Variants in SLC24A4 observed in about 807,000 individuals in gnomAD.
The protein encoded by SLC24A4 is solute carrier family 24 member 4, also known as sodium/potassium/calcium exchanger 4.
Under a neutral mutation model 79.0 loss-of-function variants are expected in SLC24A4, and 53 were observed. That is an observed-to-expected ratio of 0.67 (90% CI 0.54 to 0.84). The LOEUF is 0.84. Ranked by LOEUF, SLC24A4 falls within the 40% of genes least tolerant of loss-of-function variation. The probability of loss-of-function intolerance (pLI) is 0.00; values close to 1 mark genes in which losing one functional copy is unlikely to be tolerated. For synonymous variants in SLC24A4, 323 were observed against 323.8 expected, an observed-to-expected ratio of 1.00 and a Z score of 0.03; for missense variants, 731 against 822.0, an observed-to-expected ratio of 0.89 and a Z score of 1.35.
chr14:92,492,982 A>G (rs1373367828), intron 16 of SLC24A4: 5 of 357,778 alleles, frequency 1.4e-5, no homozygotes, highest in Admixed American at 6.7e-5. Context: ...ACACACACAC[A>G]CACACACACA....
rs929114531 is a variant in SLC24A4 at position 92,398,035 on chromosome 14, A to G, written c.242-35877A>G. On this transcript the variant is annotated intron_variant, in intron 2 of 16. Coordinates refer to ENST00000532405, the MANE Select transcript of SLC24A4 (RefSeq NM_153646.4). The surrounding 1 kb of genome is among the most constrained non-coding windows in gnomAD (Gnocchi z 4.1). Reference sequence around the variant, plus strand: ...CTCCCCTATGCCAGGCCCTGCGCACATGTGACCTTCTCTGTCATAGCCCTT... The same window carrying G: ...CTCCCCTATGCCAGGCCCTGCGCACGTGTGACCTTCTCTGTCATAGCCCTT... Among the ~76,000 whole-genome samples, 15 of 152,156 alleles carry G rather than the reference A, an allele frequency of 9.9e-5. No homozygotes were observed. Among genetic ancestry groups the G allele is most frequent in the Admixed American group, 6.5e-5 (1 of 15,274 alleles).
chr14:92,405,332 A>G (rs1404857293), intron 2 of SLC24A4, among the ~76,000 whole-genome samples: 2 of 152,146 alleles, frequency 1.3e-5, no homozygotes, highest in Non-Finnish European at 2.9e-5. Context: ...AAGAGGTAAA[A>G]CTGAACAATC....
chr14:92,488,133 G>A (rs11626588), intron 14 of SLC24A4, among the ~76,000 whole-genome samples: 27,424 of 147,866 alleles, frequency 0.19, 2,748 homozygotes, highest in East Asian at 0.31. Flanking sequence ...GTACAATGGC[G>A]TGATCTCGGC....
At chr14:92,380,649 G>A (rs575479032) in intron 2 of SLC24A4, among the ~76,000 whole-genome samples, 10 of 152,322 alleles carry the variant, frequency 6.6e-5, no homozygotes, top group African/African-American at 2.4e-4. Context: ...GTAATTTATC[G>A]ACTCCAGGAA....
At chr14:92,394,405 G>A (rs1889656157) in intron 2 of SLC24A4, among the ~76,000 whole-genome samples, 1 of 151,926 alleles carries the variant, frequency 6.6e-6, no homozygotes, top group African/African-American at 2.4e-5. Flanking sequence ...AGACCAGCCT[G>A]GGCAACATAG....
intron 2 of SLC24A4, among the ~76,000 whole-genome samples, chr14:92,381,572 A>T (rs941780242): frequency 9.9e-5 from 15 of 152,208 alleles, no homozygotes; most frequent in Admixed American, 9.8e-4. Flanking sequence ...TATTCAGCAC[A>T]TTCAGTTCTA....
intron 2 of SLC24A4, among the ~76,000 whole-genome samples, chr14:92,400,264 C>T (rs867440244): frequency 7.2e-5 from 11 of 151,998 alleles, no homozygotes; most frequent in African/African-American, 1.4e-4. Context: ...CATGGTGAAA[C>T]CCCGTCTCTA....
chr14:92,439,142 C>A (rs146736778), intron 3 of SLC24A4, among the ~76,000 whole-genome samples, 193 bp from the exon 4 acceptor site: 1 of 152,350 alleles, frequency 6.6e-6, no homozygotes, highest in East Asian at 1.9e-4. Context: ...GTTATCTCCT[C>A]TCTGGGCCTC....
At chr14:92,363,103 C>A (rs1887629084) in intron 2 of SLC24A4, among the ~76,000 whole-genome samples, 1 of 152,232 alleles carries the variant, frequency 6.6e-6, no homozygotes, top group African/African-American at 2.4e-5. Flanking sequence ...ACTTTCCAGT[C>A]ATTTGACTGC....
At chr14:92,343,626 T>TTCTTTCTC (rs1886312038) in intron 2 of SLC24A4, among the ~76,000 whole-genome samples, 2 of 112,348 alleles carry the variant, frequency 1.8e-5, no homozygotes, top group South Asian at 5.9e-4. Flanking sequence ...CTTTCTTTCT[T>TTCTTTCTC]TCTTTCTTTC....
chr14:92,462,065 G>A (rs1893844192), intron 12 of SLC24A4: 1 of 152,264 alleles, frequency 6.6e-6, no homozygotes, highest in Admixed American at 6.5e-5. Context: ...AACAGGCTCA[G>A]AGAGGCTGCG....
intron 2 of SLC24A4, among the ~76,000 whole-genome samples, chr14:92,399,281 C>G (rs528754034): frequency 6.6e-6 from 1 of 152,236 alleles, no homozygotes; most frequent in East Asian, 1.9e-4. Flanking sequence ...CCGAGTCTCA[C>G]CTTGATTTTG....
intron 2 of SLC24A4, among the ~76,000 whole-genome samples, chr14:92,422,161 T>C (rs1891320742): frequency 6.6e-6 from 1 of 152,248 alleles, no homozygotes; most frequent in African/African-American, 2.4e-5. Context: ...CAGATGTATT[T>C]TCAGAATCTA....
intron 14 of SLC24A4, among the ~76,000 whole-genome samples, chr14:92,491,226 G>C (rs780237242): frequency 6.6e-6 from 1 of 152,122 alleles, no homozygotes; most frequent in Non-Finnish European, 1.5e-5. Context: ...CACTGTGAAT[G>C]CTCTGTGACA....
intron 12 of SLC24A4, among the ~76,000 whole-genome samples, chr14:92,460,351 G>A (rs948791979): frequency 1.3e-5 from 2 of 152,196 alleles, no homozygotes; most frequent in African/African-American, 4.8e-5. Flanking sequence ...CGAGGTCTGT[G>A]CACTGTGTCT....
At chr14:92,380,940 G>C (rs1888810312) in intron 2 of SLC24A4, among the ~76,000 whole-genome samples, 1 of 152,156 alleles carries the variant, frequency 6.6e-6, no homozygotes, top group Admixed American at 6.5e-5. Context: ...TTCCTTTTGG[G>C]CCTGCTGTGA....
At position 92,442,830 on chromosome 14, in the gene SLC24A4, C is replaced by T. The variant is rs757203126; in HGVS notation, c.582+14C>T. 5 of 1,606,750 alleles carry T rather than the reference C, an allele frequency of 3.1e-6. No homozygotes were observed. Among genetic ancestry groups the T allele is most frequent in the East Asian group, 4.5e-5 (2 of 44,860 alleles). On this transcript the variant is annotated intron_variant, in intron 6 of 16. Transcript: ENST00000532405. ...TTTGCTGGCCAGGTCAGTGGTTTCT[C>T]CCTGGGCCCGGCAGATGCATGCCCT...
rs537146844 is a variant in SLC24A4 at position 92,493,607 on chromosome 14, G to A, written c.1848G>A (p.Pro616=). The A allele has an allele frequency of 2.9e-5, 47 of 1,614,128 alleles. No homozygotes were observed. Among genetic ancestry groups the A allele is most frequent in the African/African-American group, 1.1e-4 (8 of 75,032 alleles). The change falls in exon 17 of 17, where the codon CCG becomes CCA. Residue 616 remains proline (P), a synonymous_variant. Transcript: ENST00000532405. ...ACGTCTTTACCTTCGTCAACTTGCC[G>A]ATGTGCCGGGAAGACGATTAGCGCT... The part of the protein sequence containing the change: ...EFNVFTFVNL[P]MCREDD
intron 13 of SLC24A4, chr14:92,484,782 G>C (rs1413893299): frequency 1.3e-5 from 13 of 985,390 alleles, no homozygotes; most frequent in Non-Finnish European, 1.6e-5. Flanking sequence ...AGTTTGGTTA[G>C]ACTGTGTCAG....
Sources: allele counts gnomAD v4.1 joint callset (sites outside exome capture counted in the v4.1 genomes callset), GRCh38; gene constraint gnomAD v4.1.1; non-coding constraint Gnocchi (gnomAD v3.1); transcripts MANE v1.5; gene names NCBI Gene and HGNC (gene_info 2026-07-23, HGNC 2026-07-21).